AP1S2: variants seen among roughly 807,000 people sequenced by gnomAD.
AP1S2 encodes AP-1 complex subunit sigma-2.
A neutral mutation model predicts 14.3 loss-of-function variants in AP1S2; 1 was observed. The ratio of observed to expected loss-of-function variants is 0.07; its 90% CI spans 0.02 to 0.33. The LOEUF (loss-of-function observed/expected upper bound fraction) is 0.33, where lower values mean the gene tolerates loss of function less well. Ranked by LOEUF, AP1S2 falls within the 10% of genes least tolerant of loss-of-function variation. The probability of loss-of-function intolerance (pLI) is 0.99; values close to 1 mark genes in which losing one functional copy is unlikely to be tolerated. For missense variants in AP1S2, 30 were observed against 117.7 expected, an observed-to-expected ratio of 0.25 and a Z score of 3.45; for synonymous variants, 30 against 40.5, an observed-to-expected ratio of 0.74 and a Z score of 0.99.
intron 2 of AP1S2, among the ~76,000 whole-genome samples, chrX:15,851,457 A>G (rs937714512): frequency 8.9e-6 from 1 of 112,208 alleles, no homozygotes; most frequent in African/African-American, 3.2e-5. Flanking sequence ...TATACTCCCC[A>G]CACAAGAGAA....
chrX:15,852,840 T>G (rs1934219004), intron 1 of AP1S2: 1 of 743,370 alleles, frequency 1.3e-6, no homozygotes, highest in African/African-American at 2.3e-5. Context: ...TTTAAGAAAC[T>G]ATTTTCTACC....
intron 4 of AP1S2, chrX:15,832,346 T>C (rs1933460838): frequency 1.4e-6 from 1 of 735,926 alleles, no homozygotes; most frequent in Admixed American, 8.9e-5. Context: ...TTAATATTTA[T>C]TCAAGTTGAA....
intron 4 of AP1S2, among the ~76,000 whole-genome samples, chrX:15,842,644 C>G (rs1305816686): frequency 2.7e-5 from 3 of 112,436 alleles, no homozygotes; most frequent in African/African-American, 9.7e-5. Flanking sequence ...TTATTTTAAA[C>G]AAAGGTTACA....
intron 2 of AP1S2, among the ~76,000 whole-genome samples, chrX:15,852,133 G>C: frequency 8.9e-6 from 1 of 112,000 alleles, no homozygotes; most frequent in East Asian, 2.8e-4. Context: ...TATATAACTA[G>C]TTTTCAAAGG....
chrX:15,845,218 G>A (rs1473466870), intron 4 of AP1S2, 161 bp downstream of exon 4: 11 of 752,546 alleles, frequency 1.5e-5, no homozygotes, highest in Non-Finnish European at 1.7e-5. Flanking sequence ...TAACTGAGTT[G>A]ACGTGACTGA....
intron 1 of AP1S2, among the ~76,000 whole-genome samples, chrX:15,854,088 T>A (rs781486175): frequency 8.9e-6 from 1 of 112,630 alleles, no homozygotes; most frequent in East Asian, 2.8e-4. Flanking sequence ...TGTCCTAACA[T>A]GGGACGAAAC....
chrX:15,842,422 AC>A (rs2147314023), intron 4 of AP1S2, among the ~76,000 whole-genome samples: 2 of 111,470 alleles, frequency 1.8e-5, no homozygotes, highest in East Asian at 5.6e-4. Flanking sequence ...ATGTATTCTC[AC>A]TCTAAATTCA....
intron 2 of AP1S2, among the ~76,000 whole-genome samples, chrX:15,849,804 CCTT>C (rs199871378): frequency 0.16 from 17,167 of 110,554 alleles, 1,264 homozygotes; most frequent in East Asian, 0.27. Context: ...GCCTCTCACA[CCTT>C]CTTTTTTAAA....
chrX:15,828,098 G>T, intron 5 of AP1S2, 94 bp downstream of exon 5: 1 of 643,581 alleles, frequency 1.6e-6, no homozygotes, highest in Non-Finnish European at 2.3e-6. Context: ...CAACTTTCAG[G>T]TATTACTAGC....
chrX:15,830,346 T>A, intron 4 of AP1S2: 2 of 754,103 alleles, frequency 2.7e-6, no homozygotes, highest in Non-Finnish European at 3.1e-6. Flanking sequence ...CCCACCTGAT[T>A]GATAGCACAT....
chrX:15,826,585 C>T lies in AP1S2; in HGVS notation c.*740G>A, dbSNP rs1933267423. On this transcript the variant is annotated 3_prime_UTR_variant, in exon 6 of 6. Transcript: ENST00000672987. Reference sequence around the variant, plus strand: ...TCACTTTATTTTGGGGCATCAAAAACAACTAAGTATTTGATTATGACCACA... The same window carrying T: ...TCACTTTATTTTGGGGCATCAAAAATAACTAAGTATTTGATTATGACCACA... 9.0e-6 allele frequency: 1 copy of T among 111,359 alleles called. No individual in the cohort carries two copies. The highest frequency in any genetic ancestry group is 3.3e-5 in the African/African-American group (1 of 30,651). 9.2% of individuals were successfully genotyped at this position (111,359 alleles called of 1,213,427 possible).
chrX:15,827,193 G>T lies in AP1S2; in HGVS notation c.*132C>A. ...TTTTAAAAAAAAATTGTGTAGGCAT[G>T]AATGAAGCGGCTTAGCAAAACAGTA... On this transcript the variant is annotated 3_prime_UTR_variant, in exon 6 of 6. Coordinates refer to ENST00000672987, the MANE Select transcript of AP1S2 (RefSeq NM_001272071.2). 1 of 661,330 alleles carries T rather than the reference G, an allele frequency of 1.5e-6. No homozygotes were observed. 54.5% of individuals were successfully genotyped at this position (661,330 alleles called of 1,213,427 possible).
chrX:15,829,897 TTAAC>T (rs943158954), intron 4 of AP1S2, among the ~76,000 whole-genome samples: 7 of 111,145 alleles, frequency 6.3e-5, no homozygotes, highest in Middle Eastern at 4.6e-3. Context: ...GTGAATAAAC[TTAAC>T]TAACACAACT....
chrX:15,849,040 G>A (rs1390193127), intron 2 of AP1S2, among the ~76,000 whole-genome samples: 1 of 111,810 alleles, frequency 8.9e-6, no homozygotes. Context: ...ACACAAAACA[G>A]GAATCAAAAA....
At chrX:15,840,602 A>C (rs1442991969) in intron 4 of AP1S2, 31 of 939,022 alleles carry the variant, frequency 3.3e-5, no homozygotes, top group Non-Finnish European at 4.3e-5. Flanking sequence ...CTATAAAATT[A>C]AGGAGCAGAG....
At chrX:15,844,538 T>C (rs774629716) in intron 4 of AP1S2, among the ~76,000 whole-genome samples, 4 of 112,977 alleles carry the variant, frequency 3.5e-5, no homozygotes, top group South Asian at 7.1e-4. Context: ...TACTAATCAC[T>C]TCTCATGCTG....
intron 2 of AP1S2, among the ~76,000 whole-genome samples, chrX:15,851,078 C>T (rs1015442486): frequency 1.8e-5 from 2 of 111,906 alleles, no homozygotes; most frequent in African/African-American, 6.5e-5. Flanking sequence ...CACTTCCACT[C>T]ATTTTATTTA....
At chrX:15,840,262 A>C (rs968971007) in intron 4 of AP1S2, among the ~76,000 whole-genome samples, 12 of 112,460 alleles carry the variant, frequency 1.1e-4, no homozygotes, top group Non-Finnish European at 1.5e-4. Context: ...AAGAAAAACA[A>C]CACCACAAAT....
intron 4 of AP1S2, among the ~76,000 whole-genome samples, chrX:15,843,331 G>A (rs1287278833): frequency 9.0e-6 from 1 of 111,648 alleles, no homozygotes; most frequent in Non-Finnish European, 1.9e-5. Context: ...CAAGGGGGAC[G>A]GATCATTTGA....
Sources: gnomAD v4.1 joint callset for allele counts (sites outside exome capture counted in the v4.1 genomes callset) on GRCh38, gnomAD v4.1.1 for gene constraint, MANE v1.5 for transcripts, NCBI Gene and HGNC (gene_info 2026-07-23, HGNC 2026-07-21) for gene names.